PCDHGA1: variants seen among roughly 807,000 people sequenced by gnomAD.
PCDHGA1 encodes protocadherin gamma subfamily A, 1.
PCDHGA1 carries 32 observed loss-of-function variants against 58.0 expected under a neutral mutation model. That is an observed-to-expected ratio of 0.55 (90% CI 0.42 to 0.74). PCDHGA1 has a LOEUF of 0.74. Ranked by LOEUF, PCDHGA1 falls within the 30% of genes least tolerant of loss-of-function variation. The pLI is 0.00. For synonymous variants in PCDHGA1, 498 were observed against 501.1 expected (o/e 0.99, Z 0.08); for missense variants, 1,205 against 1,182.3 (o/e 1.02, Z -0.28).
At chr5:141,342,629 T>C (rs1049165888) in intron 1 of PCDHGA1, 1 of 152,204 alleles carries the variant, frequency 6.6e-6, no homozygotes, top group African/African-American at 2.4e-5. Flanking sequence ...TGGAATAATA[T>C]GTCATAATAG....
At chr5:141,362,964 A>C (rs1762745634) in intron 1 of PCDHGA1, among the ~76,000 whole-genome samples, 1 of 152,250 alleles carries the variant, frequency 6.6e-6, no homozygotes, top group South Asian at 2.1e-4. Flanking sequence ...TTGGGAAACA[A>C]AGAAGAAAGA....
intron 1 of PCDHGA1, among the ~76,000 whole-genome samples, chr5:141,437,716 C>T (rs575174227): frequency 1.2e-4 from 18 of 151,782 alleles, no homozygotes; most frequent in Admixed American, 1.0e-3. Flanking sequence ...CACAGTTACC[C>T]TCTAATGTTA....
chr5:141,414,785 C>A, intron 1 of PCDHGA1: 1 of 1,614,232 alleles, frequency 6.2e-7, no homozygotes, highest in Non-Finnish European at 8.5e-7. Context: ...ATGCAGGTGA[C>A]AGCCAGCGAC....
rs2097419057 is a variant in PCDHGA1 at position 141,431,807 on chromosome 5, A to G, written c.2422-63000A>G. 4 of 1,614,050 alleles carry G rather than the reference A, an allele frequency of 2.5e-6. No individual in the cohort carries two copies. Among genetic ancestry groups the G allele is most frequent in the Non-Finnish European group, 2.5e-6 (3 of 1,180,038 alleles). On this transcript the variant is annotated intron_variant, in intron 1 of 3. Coordinates refer to ENST00000517417, the MANE Select transcript of PCDHGA1 (RefSeq NM_018912.3). This position sits in a 1 kb window ranked among gnomAD's most constrained non-coding sequence, Gnocchi z 4.8. ...CGACAATGCCCCAGAAGTGGTCCTC[A>G]CCTCTCTCGCCAGCTCGGTTCCCGA... is the stretch of plus-strand genomic sequence containing the variant.
chr5:141,388,907 C>T (rs1321583045), intron 1 of PCDHGA1: 5 of 1,613,786 alleles, frequency 3.1e-6, no homozygotes, highest in African/African-American at 1.3e-5. Context: ...AAAATGACAA[C>T]GCCCCAGAAG....
intron 1 of PCDHGA1, among the ~76,000 whole-genome samples, chr5:141,424,979 T>G (rs565208060): frequency 1.4e-4 from 22 of 152,322 alleles, no homozygotes; most frequent in African/African-American, 4.6e-4. Flanking sequence ...CTTGGATATT[T>G]ATGTTCCCTT....
At position 141,486,778 on chromosome 5, in the gene PCDHGA1, G is replaced by A. The variant is rs750169906; in HGVS notation, c.2422-8029G>A. The A allele has an allele frequency of 1.2e-6, 2 of 1,614,104 alleles. No individual in the cohort carries two copies. Among genetic ancestry groups the A allele is most frequent in the Admixed American group, 1.7e-5 (1 of 60,006 alleles). ...AAACCCAGACACTGCAGTTTGAGGT[G>A]CAGGCCCGGGATCGGGGCAACCCAC... is the stretch of plus-strand genomic sequence containing the variant. On this transcript the variant is annotated intron_variant, in intron 1 of 3. Coordinates refer to ENST00000517417, the MANE Select transcript of PCDHGA1 (RefSeq NM_018912.3). This position sits in a 1 kb window ranked among gnomAD's most constrained non-coding sequence, Gnocchi z 5.0.
chr5:141,404,771 C>T lies in PCDHGA1; in HGVS notation c.2421+71666C>T, dbSNP rs376650362. On this transcript the variant is annotated intron_variant, in intron 1 of 3. Coordinates refer to ENST00000517417, the MANE Select transcript of PCDHGA1 (RefSeq NM_018912.3). Reference sequence around the variant, plus strand: ...AGGCCAGAATGCTTGGCTCTCCTACCGCCTATTCAAGGCCAGTGAGCCAGG... The same window carrying T: ...AGGCCAGAATGCTTGGCTCTCCTACTGCCTATTCAAGGCCAGTGAGCCAGG... The T allele has an allele frequency of 3.3e-5, 53 of 1,613,868 alleles. No homozygotes were observed. Among genetic ancestry groups the T allele is most frequent in the African/African-American group, 1.9e-4 (14 of 74,938 alleles).
chr5:141,400,499 G>A (rs1258690272), intron 1 of PCDHGA1: 8 of 1,613,910 alleles, frequency 5.0e-6, no homozygotes, highest in Non-Finnish European at 6.8e-6. Context: ...TGTAATTCCA[G>A]CGAGTCGACT....
intron 1 of PCDHGA1, chr5:141,394,873 C>T (rs376612124): frequency 6.8e-6 from 11 of 1,613,708 alleles, no homozygotes; most frequent in Non-Finnish European, 8.5e-6. Context: ...CCGAACGATT[C>T]GAGCCTTACA....
intron 1 of PCDHGA1, chr5:141,361,737 C>A: frequency 1.2e-6 from 2 of 1,613,162 alleles, no homozygotes; most frequent in Non-Finnish European, 1.7e-6. Context: ...CACTGCAGGC[C>A]CGCGACCAGG....
At chr5:141,356,830 A>G (rs372665834) in intron 1 of PCDHGA1, 46 of 1,614,038 alleles carry the variant, frequency 2.8e-5, no homozygotes, top group Non-Finnish European at 3.8e-5. Flanking sequence ...TCCACTCAGC[A>G]GCAATGTGTC....
chr5:141,346,067 C>T (rs1356766672), intron 1 of PCDHGA1: 2 of 1,613,488 alleles, frequency 1.2e-6, no homozygotes, highest in Non-Finnish European at 8.5e-7. Flanking sequence ...TGGGCAGCCT[C>T]GAGCCCTCCG....
At chr5:141,376,221 C>G in intron 1 of PCDHGA1, 4 of 1,614,216 alleles carry the variant, frequency 2.5e-6, no homozygotes, top group Non-Finnish European at 3.4e-6. Context: ...GTGCTGCTGG[C>G]GCTCAGACTG....
chr5:141,459,506 A>G (rs1156362858), intron 1 of PCDHGA1, among the ~76,000 whole-genome samples: 1 of 152,236 alleles, frequency 6.6e-6, no homozygotes, highest in East Asian at 1.9e-4. Flanking sequence ...GATGTGAACA[A>G]TCATGTACAA....
At position 141,485,379 on chromosome 5, in the gene PCDHGA1, A is replaced by G. The variant is rs749607481; in HGVS notation, c.2422-9428A>G. 12 of 1,613,934 alleles carry G rather than the reference A, an allele frequency of 7.4e-6. No homozygotes were observed. In the Admixed American group the frequency reaches 1.8e-4, roughly 25 times the overall value. The stretch of plus-strand genomic sequence containing the variant: ...GCTCGCAGGCTGCAGGTCGCTGGAG[A>G]GGTGAACCAAAGACACTTCCGTGTG... On this transcript the variant is annotated intron_variant, in intron 1 of 3. Coordinates refer to ENST00000517417, the MANE Select transcript of PCDHGA1 (RefSeq NM_018912.3). This position sits in a 1 kb window ranked among gnomAD's most constrained non-coding sequence, Gnocchi z 5.7.
intron 1 of PCDHGA1, among the ~76,000 whole-genome samples, chr5:141,369,429 C>T (rs940701313): frequency 2.0e-5 from 3 of 152,160 alleles, no homozygotes; most frequent in Admixed American, 6.5e-5. Context: ...CAATTTGGGA[C>T]GCTGAGGTGG....
intron 1 of PCDHGA1, among the ~76,000 whole-genome samples, chr5:141,402,682 T>C (rs1012328239): frequency 2.0e-5 from 3 of 152,256 alleles, no homozygotes; most frequent in South Asian, 4.1e-4. Context: ...CCATCTGATA[T>C]AATGTTACAC....
intron 1 of PCDHGA1, among the ~76,000 whole-genome samples, chr5:141,462,990 A>T (rs181384059): frequency 1.8e-3 from 278 of 152,244 alleles, no homozygotes; most frequent in Non-Finnish European, 3.4e-3. Context: ...GCCTTGGGCT[A>T]ATTTAGACCT....
Sources: gnomAD v4.1 joint callset for allele counts (sites outside exome capture counted in the v4.1 genomes callset) on GRCh38, gnomAD v4.1.1 for gene constraint, Gnocchi (gnomAD v3.1) non-coding constraint, MANE v1.5 for transcripts, NCBI Gene and HGNC (gene_info 2026-07-23, HGNC 2026-07-21) for gene names.